SPSB4: variants seen among roughly 807,000 people sequenced by gnomAD.
SPSB4 encodes the protein SPRY domain-containing SOCS box protein 4.
In SPSB4, 21 loss-of-function variants were observed where a neutral mutation model predicts 20.9. The observed-to-expected ratio is 1.01, with a 90% CI of 0.71 to 1.45. SPSB4 has a LOEUF of 1.45. Among genes scored for constraint, SPSB4 ranks in the 40% most tolerant of loss-of-function variants. The pLI is 0.00. For missense variants in SPSB4, 399 were observed against 399.2 expected, an observed-to-expected ratio of 1.00 and a Z score of 0.00; for synonymous variants, 207 against 183.8, an observed-to-expected ratio of 1.13 and a Z score of -1.02.
chr3:141,128,358 G>T (rs1939080753), intron 2 of SPSB4, among the ~76,000 whole-genome samples: 1 of 152,176 alleles, frequency 6.6e-6, no homozygotes, highest in African/African-American at 2.4e-5. Flanking sequence ...GCTGTGGGGG[G>T]CCAGGCCAAA....
intron 2 of SPSB4, among the ~76,000 whole-genome samples, chr3:141,116,048 G>T (rs1214369487): frequency 6.6e-6 from 1 of 152,214 alleles, no homozygotes; most frequent in Non-Finnish European, 1.5e-5. Context: ...AGCCCCTGGG[G>T]TTTATACTAT....
chr3:141,074,131 G>A, intron 2 of SPSB4, among the ~76,000 whole-genome samples: 1 of 152,184 alleles, frequency 6.6e-6, no homozygotes, highest in East Asian at 1.9e-4. Context: ...TGGTCTTGTG[G>A]GAAGAGCAGG....
intron 2 of SPSB4, among the ~76,000 whole-genome samples, chr3:141,088,869 C>T (rs992568505): frequency 1.3e-5 from 2 of 152,218 alleles, no homozygotes; most frequent in African/African-American, 4.8e-5. Flanking sequence ...ACATCTTTGT[C>T]TCAGGAACCC....
At chr3:141,140,867 G>A (rs62283605) in intron 2 of SPSB4, among the ~76,000 whole-genome samples, 13,164 of 152,264 alleles carry the variant, frequency 0.086, 658 homozygotes, top group East Asian at 0.14. Flanking sequence ...TGTCAGACAG[G>A]GACATTTAAG....
Position 141,147,387 on chromosome 3 carries a change from C to G in SPSB4, c.*118C>G. On this transcript the variant is annotated 3_prime_UTR_variant, in exon 3 of 3. Coordinates refer to ENST00000310546, the MANE Select transcript of SPSB4 (RefSeq NM_080862.3). ...CTACCCTTCTCCTGGCTCCCCAGGA[C>G]ACTCAGTTCTTTCAAAGACCAGGAT... The G allele has an allele frequency of 6.7e-7, 1 of 1,485,938 alleles. No individual in the cohort carries two copies. Among genetic ancestry groups the G allele is most frequent in the Non-Finnish European group, 9.1e-7 (1 of 1,101,492 alleles). The allele number at this position is 1,485,938 out of a possible 1,614,324, so 92.0% of individuals were successfully genotyped here.
intron 2 of SPSB4, among the ~76,000 whole-genome samples, chr3:141,121,003 G>A (rs1335034710): frequency 6.7e-6 from 1 of 150,170 alleles, no homozygotes; most frequent in African/African-American, 2.4e-5. Flanking sequence ...TTTCTTCCTA[G>A]CTTCGATGCT....
intron 2 of SPSB4, among the ~76,000 whole-genome samples, chr3:141,145,356 A>G (rs1454421990): frequency 6.6e-6 from 1 of 152,148 alleles, no homozygotes; most frequent in Non-Finnish European, 1.5e-5. Context: ...CAGCTTCCAA[A>G]GCATGCTCCC....
intron 2 of SPSB4, among the ~76,000 whole-genome samples, chr3:141,067,523 AC>A (rs1937911665): frequency 6.6e-6 from 1 of 152,130 alleles, no homozygotes; most frequent in Non-Finnish European, 1.5e-5. Context: ...CAAACAAAAT[AC>A]CCTTGCAGGC....
chr3:141,106,429 G>C (rs926052990), intron 2 of SPSB4, among the ~76,000 whole-genome samples: 2 of 152,070 alleles, frequency 1.3e-5, no homozygotes, highest in Non-Finnish European at 2.9e-5. Context: ...GTCCTCTTAA[G>C]GGCAGTTCTC....
chr3:141,147,470 G>A lies in SPSB4; in HGVS notation c.*201G>A, dbSNP rs1018765795. Reference sequence around the variant, plus strand: ...GCCAACAGTATCTACTGCCCTCGAGGCAGCCCTCCCAAGTCAGACACCTCC... The same window carrying A: ...GCCAACAGTATCTACTGCCCTCGAGACAGCCCTCCCAAGTCAGACACCTCC... On this transcript the variant is annotated 3_prime_UTR_variant, in exon 3 of 3. Transcript: ENST00000310546. 4.9e-6 allele frequency: 4 copies of A among 821,570 alleles called. No homozygotes were observed. The African/African-American group carries it at 6.9e-5, about 14-fold the overall frequency. 50.9% of individuals were successfully genotyped at this position (821,570 alleles called of 1,614,324 possible).
chr3:141,113,821 C>CGTG (rs1283724160), intron 2 of SPSB4, among the ~76,000 whole-genome samples: 5 of 152,140 alleles, frequency 3.3e-5, no homozygotes, highest in African/African-American at 1.2e-4. Flanking sequence ...TTTGGCCGAG[C>CGTG]GTGGTGGCTC....
At chr3:141,128,093 TC>T in intron 2 of SPSB4, among the ~76,000 whole-genome samples, 1 of 152,304 alleles carries the variant, frequency 6.6e-6, no homozygotes, top group African/African-American at 2.4e-5. Context: ...CCCTGCGGCC[TC>T]CAGGTTTCCC....
At chr3:141,111,477 C>T (rs1000911240) in intron 2 of SPSB4, among the ~76,000 whole-genome samples, 1 of 147,802 alleles carries the variant, frequency 6.8e-6, no homozygotes, top group Non-Finnish European at 1.5e-5. Flanking sequence ...GGGCCCAGCA[C>T]ATAGTGAGCG....
At chr3:141,139,514 C>G (rs1939287302) in intron 2 of SPSB4, among the ~76,000 whole-genome samples, 1 of 152,180 alleles carries the variant, frequency 6.6e-6, no homozygotes, top group Non-Finnish European at 1.5e-5. Context: ...TTCAGGAGCT[C>G]TTTTAGGGCA....
chr3:141,073,916 T>C (rs1032239366), intron 2 of SPSB4, among the ~76,000 whole-genome samples: 2 of 152,226 alleles, frequency 1.3e-5, no homozygotes, highest in African/African-American at 4.8e-5. Context: ...AACTGCCCCC[T>C]ACCCTTTGTT....
chr3:141,078,998 A>G (rs904755841), intron 2 of SPSB4, among the ~76,000 whole-genome samples: 2 of 152,206 alleles, frequency 1.3e-5, no homozygotes, highest in Non-Finnish European at 2.9e-5. Flanking sequence ...ACGGTGGCTC[A>G]TGCCTGTAAT....
At chr3:141,072,821 G>A (rs72980158) in intron 2 of SPSB4, among the ~76,000 whole-genome samples, 1 of 152,016 alleles carries the variant, frequency 6.6e-6, no homozygotes, top group Non-Finnish European at 1.5e-5. Context: ...CCCCCCATCC[G>A]CTCCTGCTGG....
chr3:141,083,357 C>A (rs1478500198), intron 2 of SPSB4, among the ~76,000 whole-genome samples: 1 of 152,182 alleles, frequency 6.6e-6, no homozygotes, highest in African/African-American at 2.4e-5. Flanking sequence ...ACTGCCACCC[C>A]CCCACCCTCT....
chr3:141,137,354 A>G lies in SPSB4; in HGVS notation c.695-9788A>G, dbSNP rs368787248. Among the ~76,000 whole-genome samples the G allele has an allele frequency of 1.1e-4, 17 of 152,340 alleles. No individual in the cohort carries two copies. The East Asian group carries it at 2.3e-3, about 21-fold the overall frequency. Reference sequence around the variant, plus strand: ...CTTCTCCTGCCTGATTGCCCTGTCCAGAACTTCCAACACTATGTTGAATAG... The same window carrying G: ...CTTCTCCTGCCTGATTGCCCTGTCCGGAACTTCCAACACTATGTTGAATAG... On this transcript the variant is annotated intron_variant, in intron 2 of 2. Coordinates refer to ENST00000310546, the MANE Select transcript of SPSB4 (RefSeq NM_080862.3).
Sources: allele counts gnomAD v4.1 joint callset (sites outside exome capture counted in the v4.1 genomes callset), GRCh38; gene constraint gnomAD v4.1.1; transcripts MANE v1.5; gene names NCBI Gene and HGNC (gene_info 2026-07-23, HGNC 2026-07-21).